SLF2: variants seen among roughly 807,000 people sequenced by gnomAD.
SLF2 encodes SMC5-SMC6 complex localization factor protein 2.
SLF2 carries 68 observed loss-of-function variants against 124.3 expected under a neutral mutation model. That is an observed-to-expected ratio of 0.55 (90% CI 0.45 to 0.67). SLF2 has a LOEUF of 0.67. Ranked by LOEUF, SLF2 falls within the 30% of genes least tolerant of loss-of-function variation. SLF2 has a pLI of 0.00. For missense variants in SLF2, 1,246 were observed against 1,373.7 expected, an observed-to-expected ratio of 0.91 and a Z score of 1.47; for synonymous variants, 480 against 478.8, an observed-to-expected ratio of 1.00 and a Z score of -0.03.
At chr10:100,955,702 G>A (rs559831646) in intron 17 of SLF2, among the ~76,000 whole-genome samples, 1 of 152,258 alleles carries the variant, frequency 6.6e-6, no homozygotes, top group South Asian at 2.1e-4. Context: ...GAGGTTAGGA[G>A]TTTGAGACTA....
intron 11 of SLF2, among the ~76,000 whole-genome samples, chr10:100,940,904 T>C (rs568473063): frequency 6.7e-6 from 1 of 149,730 alleles, no homozygotes; most frequent in South Asian, 2.1e-4. Flanking sequence ...GGCACGGTTA[T>C]GGGTCACTGC....
In SLF2 at chr10:100,932,238, T is replaced by C. The variant is rs533793498; in HGVS notation, c.2436+1160T>C. Among the ~76,000 whole-genome samples the C allele has an allele frequency of 4.0e-5, 6 of 148,884 alleles. No homozygotes were observed. In the South Asian group the frequency reaches 1.3e-3, roughly 32 times the overall value. On this transcript the variant is annotated intron_variant, in intron 9 of 19. Coordinates refer to ENST00000238961, the MANE Select transcript of SLF2 (RefSeq NM_018121.4). ...GAGTTTGAGATCAGCCTGGGCAACATAGCAAGACCACATCTGTTTAAAAAA... is the reference window on the plus strand; with the variant it reads ...GAGTTTGAGATCAGCCTGGGCAACACAGCAAGACCACATCTGTTTAAAAAA...
Position 100,963,675 on chromosome 10 carries a change from AGT to A in SLF2, c.*1766_*1767del. 6.6e-6 allele frequency: 1 copy of A among 152,620 alleles called. No homozygotes were observed. The highest frequency in any genetic ancestry group is 1.9e-4 in the East Asian group (1 of 5,196). The allele number at this position is 152,620 out of a possible 1,614,324, so 9.5% of individuals were successfully genotyped here. A position where few individuals can be genotyped will look rare whatever the true frequency, so the allele number is the denominator to read the frequency against. ...ATTTTTCTCATTTTGCATTGTGTAA[AGT>A]GTACAAAATCTCAAAGTATAAAATA... On this transcript the variant is annotated 3_prime_UTR_variant, in exon 20 of 20. Coordinates refer to ENST00000238961, the MANE Select transcript of SLF2 (RefSeq NM_018121.4).
intron 15 of SLF2, among the ~76,000 whole-genome samples, chr10:100,949,439 T>C (rs999700058): frequency 6.6e-6 from 1 of 152,196 alleles, no homozygotes. Context: ...TTCTTGTAGT[T>C]CTTCTCAGAA....
chr10:100,956,553 C>A lies in SLF2; in HGVS notation c.3417+16C>A. On this transcript the variant is annotated intron_variant, in intron 18 of 19. Coordinates refer to ENST00000238961, the MANE Select transcript of SLF2 (RefSeq NM_018121.4). ...CAGAACTAAGGTAAGTGTGTTCTTT[C>A]TTTTTTTCTTTTTTTTTTTCTTAAT... The A allele has an allele frequency of 2.0e-6, 3 of 1,512,546 alleles. No individual in the cohort carries two copies. The highest frequency in any genetic ancestry group is 2.7e-6 in the Non-Finnish European group (3 of 1,112,866). 93.7% of individuals were successfully genotyped at this position (1,512,546 alleles called of 1,614,324 possible). A position where few individuals can be genotyped will look rare whatever the true frequency, so the allele number is the denominator to read the frequency against.
At chr10:100,913,628 C>A in intron 1 of SLF2, 1 of 1,078,086 alleles carries the variant, frequency 9.3e-7, no homozygotes, top group African/African-American at 1.6e-5. Flanking sequence ...TAATATAAAC[C>A]TTTTCTATGT....
At chr10:100,945,189 CCTT>C in intron 12 of SLF2, 138 bp from the exon 13 acceptor site, 1 of 633,002 alleles carries the variant, frequency 1.6e-6, no homozygotes, top group Non-Finnish European at 2.5e-6. Flanking sequence ...GTAGTTCTTG[CCTT>C]CTTTTCTCTA....
chr10:100,925,409 A>G (rs1005519259), intron 5 of SLF2, among the ~76,000 whole-genome samples: 3 of 152,196 alleles, frequency 2.0e-5, no homozygotes, highest in African/African-American at 7.2e-5. Context: ...TAGAAGTTCT[A>G]TTATTTTCTT....
chr10:100,940,820 C>CCTTCCTTCCT (rs1554879648), intron 11 of SLF2, among the ~76,000 whole-genome samples: 1 of 101,066 alleles, frequency 9.9e-6, no homozygotes, highest in East Asian at 2.9e-4. Context: ...CCTGCCCCTT[C>CCTTCCTTCCT]TCCTTCCTTC....
Position 100,916,131 on chromosome 10 carries a change from T to G in SLF2, c.184+89T>G, listed in dbSNP as rs542701122. 875 of 954,512 alleles carry G rather than the reference T, an allele frequency of 9.2e-4. 3 individuals are homozygous for G. The highest frequency in any genetic ancestry group is 1.3e-3 in the Non-Finnish European group (791 of 632,052). 59.1% of individuals were successfully genotyped at this position (954,512 alleles called of 1,614,324 possible). ...ACTTTAAAACCTACTCTAAACTGTT[T>G]TAGTAAACGTAGTGTTCAAAATTGA... On this transcript the variant is annotated intron_variant, in intron 2 of 19. Transcript: ENST00000238961.
At chr10:100,935,368 C>G (rs1849824996) in intron 9 of SLF2, among the ~76,000 whole-genome samples, 1 of 151,500 alleles carries the variant, frequency 6.6e-6, no homozygotes, top group African/African-American at 2.4e-5. Context: ...GCACTCCAGC[C>G]TGGGTGACAG....
At chr10:100,959,712 A>C (rs1850394426) in intron 19 of SLF2, 1 of 802,932 alleles carries the variant, frequency 1.2e-6, no homozygotes, top group African/African-American at 1.8e-5. Flanking sequence ...GAGCCCATTT[A>C]AAAATATTGC....
chr10:100,917,441 G>T, intron 3 of SLF2, 141 bp downstream of exon 3: 1 of 964,832 alleles, frequency 1.0e-6, no homozygotes, highest in Non-Finnish European at 1.4e-6. Flanking sequence ...TGTAGAAGCT[G>T]GTTTCATTAC....
chr10:100,936,533 C>T (rs1355394703), intron 9 of SLF2, among the ~76,000 whole-genome samples: 4 of 151,962 alleles, frequency 2.6e-5, no homozygotes, highest in Admixed American at 6.6e-5. Context: ...GACAGGGTTT[C>T]ACCATGTTAG....
chr10:100,924,668 C>A lies in SLF2; in HGVS notation c.1667C>A (p.Pro556His), dbSNP rs749980391. The change falls in exon 5 of 20, where the codon CCC becomes CAC. Residue 556 changes from proline (P) to histidine (H), a missense_variant. Physicochemically the swap from Pro to His is moderately conservative, Grantham distance 77 (BLOSUM62 -2). This residue lies in a region of SLF2 where 698 missense variants were observed against 708.9 expected (regional missense o/e 0.98). Coordinates refer to ENST00000238961, the MANE Select transcript of SLF2 (RefSeq NM_018121.4). Reference sequence around the variant, plus strand: ...GAATATGGCACTCCTACAAAGTCTCCCCCTGCTGCTTTGGAAGTTGTGCCA... The same window carrying A: ...GAATATGGCACTCCTACAAAGTCTCACCCTGCTGCTTTGGAAGTTGTGCCA... ...RSEYGTPTKS[P>H]PAALEVVPCI... is the part of the protein sequence containing the mutation. 4.3e-6 allele frequency: 7 copies of A among 1,614,100 alleles called. No individual in the cohort carries two copies. The Admixed American group carries it at 1.2e-4, about 27-fold the overall frequency.
intron 19 of SLF2, among the ~76,000 whole-genome samples, chr10:100,960,761 A>G (rs1380309444): frequency 1.3e-5 from 2 of 151,626 alleles, no homozygotes; most frequent in East Asian, 1.9e-4. Flanking sequence ...TTTATTATGT[A>G]TATATTTTTG....
intron 1 of SLF2, among the ~76,000 whole-genome samples, chr10:100,914,773 G>C (rs1260367535): frequency 6.6e-6 from 1 of 152,168 alleles, no homozygotes; most frequent in Non-Finnish European, 1.5e-5. Flanking sequence ...TCTCAAACAA[G>C]CGTGATGGAC....
At chr10:100,959,560 T>C (rs546131161) in intron 19 of SLF2, 64 bp downstream of exon 19, 3 of 1,591,624 alleles carry the variant, frequency 1.9e-6, no homozygotes, top group East Asian at 2.2e-5. Flanking sequence ...CTCTTCATAC[T>C]GTTTGAAATA....
chr10:100,932,896 A>G (rs1340066356), intron 9 of SLF2, among the ~76,000 whole-genome samples: 1 of 152,142 alleles, frequency 6.6e-6, no homozygotes, highest in East Asian at 1.9e-4. Flanking sequence ...GTAAAGGAGT[A>G]GCTTGTCAAT....
Sources: allele counts gnomAD v4.1 joint callset (sites outside exome capture counted in the v4.1 genomes callset), GRCh38; gene constraint gnomAD v4.1.1; regional missense constraint gnomAD v4.1.1; transcripts MANE v1.5; gene names NCBI Gene and HGNC (gene_info 2026-07-23, HGNC 2026-07-21).